QTRT1: variants seen among roughly 807,000 people sequenced by gnomAD.
QTRT1 encodes queuine tRNA-ribosyltransferase catalytic subunit 1.
QTRT1 carries 41 observed loss-of-function variants against 44.0 expected under a neutral mutation model. The ratio of observed to expected loss-of-function variants is 0.93; its 90% CI spans 0.73 to 1.21. QTRT1 has a LOEUF of 1.21. QTRT1 is among the 50% of genes most tolerant of loss of function. QTRT1 has a pLI of 0.00. For missense variants in QTRT1, 542 were observed against 575.8 expected, an observed-to-expected ratio of 0.94 and a Z score of 0.60; for synonymous variants, 226 against 237.1, an observed-to-expected ratio of 0.95 and a Z score of 0.43.
intron 3 of QTRT1, among the ~76,000 whole-genome samples, chr19:10,706,976 C>T (rs1209025124): frequency 6.6e-6 from 1 of 152,216 alleles, no homozygotes; most frequent in Middle Eastern, 3.2e-3. Context: ...GTCACTGCGC[C>T]CAGTCAGCAG....
At chr19:10,704,595 CT>C (rs200104835) in intron 3 of QTRT1, among the ~76,000 whole-genome samples, 1 of 147,014 alleles carries the variant, frequency 6.8e-6, no homozygotes, top group Admixed American at 6.9e-5. Context: ...CACCCGGCCT[CT>C]TTTTTTTTGA....
At chr19:10,708,595 A>AACT (rs2068725043) in intron 5 of QTRT1, among the ~76,000 whole-genome samples, 1 of 151,998 alleles carries the variant, frequency 6.6e-6, no homozygotes, top group Non-Finnish European at 1.5e-5. Flanking sequence ...CCCCAGCACA[A>AACT]ACTACTGAAA....
intron 5 of QTRT1, among the ~76,000 whole-genome samples, chr19:10,707,918 C>T (rs557194831): frequency 6.7e-6 from 1 of 150,322 alleles, no homozygotes; most frequent in African/African-American, 2.4e-5. Flanking sequence ...TGAGCCACCG[C>T]GCCCAGCCTA....
At position 10,707,513 on chromosome 19, in the gene QTRT1, C is replaced by G. The variant is rs940178277; in HGVS notation, c.544C>G (p.Leu182Val). 4.3e-6 allele frequency: 7 copies of G among 1,612,216 alleles called. No homozygotes were observed. The highest frequency in any genetic ancestry group is 5.9e-6 in the Non-Finnish European group (7 of 1,178,722). The change falls in exon 5 of 10, where the codon CTG becomes GTG. Residue 182 changes from leucine (L) to valine (V), a missense_variant. Coordinates refer to ENST00000250237, the MANE Select transcript of QTRT1 (RefSeq NM_031209.3). ...EEAMYRSIRW[L>V]DRCIAAHQRP... is the part of the protein sequence containing the mutation. ...GCCCTGTTGCAGGTCAATCCGCTGG[C>G]TGGACCGGTGCATTGCAGCCCATCA...
chr19:10,702,291 C>G, intron 3 of QTRT1, 37 bp downstream of exon 3: 1 of 1,603,038 alleles, frequency 6.2e-7, no homozygotes, highest in Non-Finnish European at 8.5e-7. Flanking sequence ...CTTACCCTGT[C>G]TGTCAGGGGG....
chr19:10,712,475 G>A lies in QTRT1; in HGVS notation c.786-78G>A. ...TTCTGAGGGAATATGGCCCAGTCTG[G>A]GGCAGTGTGAGGGTTGGGAGGGGCC... On this transcript the variant is annotated intron_variant, in intron 6 of 9. Transcript: ENST00000250237. This position sits in a 1 kb window ranked among gnomAD's most constrained non-coding sequence, Gnocchi z 5.6. 2 of 1,482,440 alleles carry A rather than the reference G, an allele frequency of 1.3e-6. No homozygotes were observed. The highest frequency in any genetic ancestry group is 1.9e-6 in the Non-Finnish European group (2 of 1,062,558). 91.8% of individuals were successfully genotyped at this position (1,482,440 alleles called of 1,614,324 possible).
intron 3 of QTRT1, 143 bp downstream of exon 3, chr19:10,702,397 A>G: frequency 1.2e-6 from 1 of 850,888 alleles, no homozygotes. Flanking sequence ...AGCGGGGGTA[A>G]ATAGTAGCAG....
At position 10,712,429 on chromosome 19, in the gene QTRT1, A is replaced by G; in HGVS notation, c.786-124A>G. On this transcript the variant is annotated intron_variant, in intron 6 of 9. Transcript: ENST00000250237. The surrounding 1 kb of genome is among the most constrained non-coding windows in gnomAD (Gnocchi z 5.6). Reference sequence around the variant, plus strand: ...TCTGATCTGAGGAGACTAGGAAGACATGGCTGTCCCTTGGGGGCCATTCTG... The same window carrying G: ...TCTGATCTGAGGAGACTAGGAAGACGTGGCTGTCCCTTGGGGGCCATTCTG... 1 of 1,443,086 alleles carries G rather than the reference A, an allele frequency of 6.9e-7. No homozygotes were observed. Among genetic ancestry groups the G allele is most frequent in the Non-Finnish European group, 9.6e-7 (1 of 1,038,296 alleles). 89.4% of individuals were successfully genotyped at this position (1,443,086 alleles called of 1,614,324 possible). A position where few individuals can be genotyped will look rare whatever the true frequency, so the allele number is the denominator to read the frequency against.
At chr19:10,710,701 T>C (rs1198748651) in intron 5 of QTRT1, among the ~76,000 whole-genome samples, 3 of 151,832 alleles carry the variant, frequency 2.0e-5, no homozygotes, top group Non-Finnish European at 4.4e-5. Flanking sequence ...GTGGGCGGAT[T>C]ACCTGAGGTC....
chr19:10,712,916 G>A lies in QTRT1; in HGVS notation c.972-37G>A. 1.2e-6 allele frequency: 2 copies of A among 1,612,362 alleles called. No individual in the cohort carries two copies. The highest frequency in any genetic ancestry group is 1.7e-6 in the Non-Finnish European group (2 of 1,179,068). ...TGGGGCAGGGCATGGAGGGGACAGG[G>A]CCTGGCCGTGCTGAGCTGTCCCCTG... On this transcript the variant is annotated intron_variant, in intron 8 of 9. Transcript: ENST00000250237. This position sits in a 1 kb window ranked among gnomAD's most constrained non-coding sequence, Gnocchi z 5.6.
At chr19:10,702,067 G>A (rs1260635721) in intron 2 of QTRT1, 49 bp downstream of exon 2, 3 of 1,614,068 alleles carry the variant, frequency 1.9e-6, no homozygotes, top group African/African-American at 2.7e-5. Context: ...CTGGAGTGAA[G>A]GGTCCCCATC....
At position 10,713,211 on chromosome 19, in the gene QTRT1, A is replaced by C. The variant is rs1430042599; in HGVS notation, c.1153A>C (p.Thr385Pro). 4 of 1,605,866 alleles carry C rather than the reference A, an allele frequency of 2.5e-6. No individual in the cohort carries two copies. The Admixed American group carries it at 6.7e-5, about 27-fold the overall frequency. ...DFMGAMYGDP[T>P]LCPTWATDAL... is the part of the protein sequence containing the mutation. ...CATGGGCGCCATGTACGGGGATCCC[A>C]CCCTCTGTCCCACCTGGGCCACTGA... Residue 385 changes from threonine to proline, a missense_variant, in exon 10 of 10, where the codon ACC (threonine) becomes CCC (proline). Thr to Pro is a conservative substitution (Grantham distance 38, BLOSUM62 -1). Transcript: ENST00000250237. The surrounding 1 kb of genome is among the most constrained non-coding windows in gnomAD (Gnocchi z 4.3).
chr19:10,703,188 G>A (rs545294948), intron 3 of QTRT1, among the ~76,000 whole-genome samples: 2 of 150,746 alleles, frequency 1.3e-5, no homozygotes, highest in East Asian at 3.9e-4. Context: ...TCAGCCTGCT[G>A]AGTAGCTGGG....
At chr19:10,701,908 A>G (rs2068690811) in intron 1 of QTRT1, 42 bp from the exon 2 acceptor site, 5 of 1,609,792 alleles carry the variant, frequency 3.1e-6, no homozygotes, top group Non-Finnish European at 4.3e-6. Context: ...GCCCCCAGGG[A>G]CGCGGTCACC....
intron 5 of QTRT1, among the ~76,000 whole-genome samples, chr19:10,710,624 T>C (rs1326281486): frequency 1.3e-5 from 2 of 152,026 alleles, no homozygotes; most frequent in African/African-American, 4.8e-5. Context: ...TATTTTTATT[T>C]TTTAAATTTT....
chr19:10,708,210 G>T (rs898147885), intron 5 of QTRT1, among the ~76,000 whole-genome samples: 1 of 150,174 alleles, frequency 6.7e-6, no homozygotes, highest in Non-Finnish European at 1.5e-5. Context: ...TGATCTGCCT[G>T]CCTCGGCCTC....
Position 10,712,565 on chromosome 19 carries a change from T to C in QTRT1, c.798T>C (p.Asp266=), listed in dbSNP as rs973254234. 4 of 1,612,172 alleles carry C rather than the reference T, an allele frequency of 2.5e-6. No individual in the cohort carries two copies. The African/African-American group carries it at 4.0e-5, about 16-fold the overall frequency. Residue 266 remains aspartate, a synonymous_variant, in exon 7 of 10, where the codon GAT becomes GAC. Coordinates refer to ENST00000250237, the MANE Select transcript of QTRT1 (RefSeq NM_031209.3). This position sits in a 1 kb window ranked among gnomAD's most constrained non-coding sequence, Gnocchi z 5.6. The part of the protein sequence containing the change: ...RYLMGVGYAT[D]LVVCVALGCD... ...GCTGCAACCCCAGCTATGCCACTGA[T>C]CTGGTAGTCTGCGTGGCTCTTGGAT...
chr19:10,707,654 G>A (rs761831570), intron 5 of QTRT1, 39 bp downstream of exon 5: 7 of 1,471,182 alleles, frequency 4.8e-6, no homozygotes, highest in South Asian at 3.7e-5. Flanking sequence ...CTTGGCCATC[G>A]CGGAGGTCCC....
intron 5 of QTRT1, among the ~76,000 whole-genome samples, chr19:10,708,764 T>C (rs1012714957): frequency 6.6e-6 from 1 of 151,312 alleles, no homozygotes; most frequent in African/African-American, 2.4e-5. Flanking sequence ...TTTTTTTTTT[T>C]TTCTTTTTTT....
Sources: gnomAD v4.1 joint callset for allele counts (sites outside exome capture counted in the v4.1 genomes callset) on GRCh38, gnomAD v4.1.1 for gene constraint, Gnocchi (gnomAD v3.1) non-coding constraint, MANE v1.5 for transcripts, NCBI Gene and HGNC (gene_info 2026-07-23, HGNC 2026-07-21) for gene names.